KCNIP4: variants seen among roughly 807,000 people sequenced by gnomAD.
KCNIP4 encodes Kv channel-interacting protein 4.
A neutral mutation model predicts 34.0 loss-of-function variants in KCNIP4; 12 were observed. The ratio of observed to expected loss-of-function variants is 0.35; its 90% confidence interval spans 0.23 to 0.57. The LOEUF (loss-of-function observed/expected upper bound fraction) is 0.57, where lower values mean the gene tolerates loss of function less well. Ranked by LOEUF, KCNIP4 falls within the 20% of genes least tolerant of loss-of-function variation. The probability of loss-of-function intolerance (pLI) is 0.83; values close to 1 mark genes in which losing one functional copy is unlikely to be tolerated. For missense variants in KCNIP4, 238 were observed against 311.7 expected, an observed-to-expected ratio of 0.76 and a Z score of 1.78; for synonymous variants, 124 against 102.2, an observed-to-expected ratio of 1.21 and a Z score of -1.29.
At chr4:21,143,301 C>CT (rs571573610) in intron 1 of KCNIP4, among the ~76,000 whole-genome samples, 46 of 152,298 alleles carry the variant, frequency 3.0e-4, no homozygotes, top group African/African-American at 1.1e-3. Flanking sequence ...GGACTCAAAG[C>CT]TCCATTGCTG....
At chr4:21,341,242 G>C (rs899088963) in intron 1 of KCNIP4, among the ~76,000 whole-genome samples, 5 of 152,028 alleles carry the variant, frequency 3.3e-5, no homozygotes, top group African/African-American at 1.2e-4. Flanking sequence ...AGACTTCTGG[G>C]CTTCAGAACT....
intron 1 of KCNIP4, among the ~76,000 whole-genome samples, chr4:21,257,717 T>G (rs1280948631): frequency 6.7e-6 from 1 of 149,540 alleles, no homozygotes; most frequent in African/African-American, 2.4e-5. Context: ...GCCATTGTAC[T>G]CTAGCCTGGG....
At chr4:21,465,585 T>C (rs1179252778) in intron 1 of KCNIP4, among the ~76,000 whole-genome samples, 1 of 152,176 alleles carries the variant, frequency 6.6e-6, no homozygotes, top group Non-Finnish European at 1.5e-5. Context: ...TACATACATA[T>C]CTGACTATAA....
chr4:21,277,282 A>G (rs1762501114), intron 1 of KCNIP4, among the ~76,000 whole-genome samples: 1 of 151,934 alleles, frequency 6.6e-6, no homozygotes, highest in South Asian at 2.1e-4. Context: ...ACAGAATGCA[A>G]TCAGCATATT....
chr4:20,768,661 A>T (rs1046102287), intron 3 of KCNIP4, among the ~76,000 whole-genome samples: 1 of 152,176 alleles, frequency 6.6e-6, no homozygotes, highest in African/African-American at 2.4e-5. Flanking sequence ...AGGTAAGCAA[A>T]AGAAATGCAA....
intron 1 of KCNIP4, among the ~76,000 whole-genome samples, chr4:20,929,545 A>C (rs892587028): frequency 1.3e-5 from 2 of 152,038 alleles, no homozygotes; most frequent in Admixed American, 6.6e-5. Flanking sequence ...TAGCAATCAG[A>C]CCAGAGAAAG....
At chr4:20,920,712 C>T (rs865816511) in intron 1 of KCNIP4, among the ~76,000 whole-genome samples, 16 of 152,120 alleles carry the variant, frequency 1.1e-4, no homozygotes, top group African/African-American at 3.6e-4. Flanking sequence ...AAGCTTGGGG[C>T]CGGGCACGGT....
intron 1 of KCNIP4, among the ~76,000 whole-genome samples, chr4:21,332,907 T>C (rs1005935313): frequency 1.3e-5 from 2 of 151,938 alleles, no homozygotes; most frequent in African/African-American, 4.8e-5. Context: ...AAGTATTACC[T>C]GCCTCTCTAA....
At chr4:21,534,059 A>T (rs1736950959) in intron 1 of KCNIP4, among the ~76,000 whole-genome samples, 1 of 152,184 alleles carries the variant, frequency 6.6e-6, no homozygotes, top group Admixed American at 6.5e-5. Flanking sequence ...TAAATATATG[A>T]TTATTGATAA....
chr4:21,207,458 T>C lies in KCNIP4; in HGVS notation c.62-324749A>G, dbSNP rs1347840579. ...AATTTTCTGTAATACATATGCATTG[T>C]TTTTGTGCTAAAAATAAGTGAAACA... is the stretch of plus-strand genomic sequence containing the variant. On this transcript the variant is annotated intron_variant, in intron 1 of 8. Transcript: ENST00000382152. Among the ~76,000 whole-genome samples, 5 of 152,354 alleles carry C rather than the reference T, an allele frequency of 3.3e-5. No individual in the cohort carries two copies. The East Asian group carries it at 9.6e-4, about 29-fold the overall frequency.
At chr4:21,593,007 G>T (rs535021017) in intron 1 of KCNIP4, among the ~76,000 whole-genome samples, 56 of 152,136 alleles carry the variant, frequency 3.7e-4, no homozygotes, top group Non-Finnish European at 7.2e-4. Flanking sequence ...ATTACAATTT[G>T]CCAAGAGTTC....
At chr4:21,829,979 T>G (rs983092056) in intron 1 of KCNIP4, among the ~76,000 whole-genome samples, 1 of 152,022 alleles carries the variant, frequency 6.6e-6, no homozygotes, top group Non-Finnish European at 1.5e-5. Context: ...TAAATGACAA[T>G]AGTAAGTTTT....
intron 1 of KCNIP4, among the ~76,000 whole-genome samples, chr4:21,732,499 A>G (rs1231071074): frequency 6.6e-6 from 1 of 152,118 alleles, no homozygotes; most frequent in Non-Finnish European, 1.5e-5. Flanking sequence ...CACAATAACT[A>G]AAATAGTTAA....
rs555343003 is a variant in KCNIP4 at position 20,865,919 on chromosome 4, A to G, written c.164-15252T>C. Among the ~76,000 whole-genome samples the G allele has an allele frequency of 1.5e-4, 23 of 152,228 alleles. No individual in the cohort carries two copies. In the East Asian group the frequency reaches 4.0e-3, roughly 27 times the overall value. Reference sequence around the variant, plus strand: ...GCTTGACTACAGTAAGTGTTTCACCATCTATATGTACATCAAAACGTCATG... The same window carrying G: ...GCTTGACTACAGTAAGTGTTTCACCGTCTATATGTACATCAAAACGTCATG... On this transcript the variant is annotated intron_variant, in intron 2 of 8. Transcript: ENST00000382152.
intron 3 of KCNIP4, among the ~76,000 whole-genome samples, chr4:20,770,632 T>A (rs61677771): frequency 6.6e-6 from 1 of 151,824 alleles, no homozygotes; most frequent in Non-Finnish European, 1.5e-5. Flanking sequence ...AAAATAAAAA[T>A]TAAAAATAAA....
At chr4:20,786,433 C>A (rs538647247) in intron 3 of KCNIP4, among the ~76,000 whole-genome samples, 1 of 152,112 alleles carries the variant, frequency 6.6e-6, no homozygotes, top group East Asian at 1.9e-4. Context: ...GCACATGTAC[C>A]CCCTGAATCT....
intron 1 of KCNIP4, among the ~76,000 whole-genome samples, chr4:21,249,196 A>G (rs1420787580): frequency 6.6e-6 from 1 of 152,158 alleles, no homozygotes; most frequent in Non-Finnish European, 1.5e-5. Flanking sequence ...GTATACTTCC[A>G]TTATAATAAA....
chr4:20,883,709 C>T (rs772672898), intron 1 of KCNIP4, among the ~76,000 whole-genome samples: 5 of 151,012 alleles, frequency 3.3e-5, no homozygotes, highest in Non-Finnish European at 5.9e-5. Flanking sequence ...TAGTTCTTAT[C>T]TTGGAATTAT....
At chr4:21,519,341 G>T (rs922715785) in intron 1 of KCNIP4, among the ~76,000 whole-genome samples, 12 of 113,480 alleles carry the variant, frequency 1.1e-4, no homozygotes, top group African/African-American at 2.2e-4. Context: ...GAGAGAGAGA[G>T]ATACACACAC....
Sources: gnomAD v4.1 joint callset for allele counts (sites outside exome capture counted in the v4.1 genomes callset) on GRCh38, gnomAD v4.1.1 for gene constraint, MANE v1.5 for transcripts, NCBI Gene and HGNC (gene_info 2026-07-23, HGNC 2026-07-21) for gene names.